Variants in PPFIA4 observed in about 807,000 individuals in gnomAD.
PPFIA4 encodes the protein liprin-alpha-4.
PPFIA4 carries 98 observed loss-of-function variants against 145.7 expected under a neutral mutation model. That is an observed-to-expected ratio of 0.67 (90% CI 0.57 to 0.80). The LOEUF (loss-of-function observed/expected upper bound fraction) is 0.80. Among genes scored for constraint, PPFIA4 ranks in the 30% least tolerant of loss-of-function variants. The probability of loss-of-function intolerance (pLI) is 0.00; values close to 1 mark genes in which losing one functional copy is unlikely to be tolerated. For synonymous variants in PPFIA4, 628 were observed against 649.6 expected, an observed-to-expected ratio of 0.97 and a Z score of 0.51; for missense variants, 1,457 against 1,632.7, an observed-to-expected ratio of 0.89 and a Z score of 1.85.
intron 27 of PPFIA4, among the ~76,000 whole-genome samples, chr1:203,069,238 C>A (rs74789139): frequency 0.016 from 2,446 of 152,232 alleles, 26 homozygotes; most frequent in Non-Finnish European, 0.023. Flanking sequence ...TTCTCTTGAA[C>A]CTATTTATAT....
chr1:203,046,982 A>G (rs566860243), intron 9 of PPFIA4, among the ~76,000 whole-genome samples: 1 of 152,354 alleles, frequency 6.6e-6, no homozygotes, highest in African/African-American at 2.4e-5. Context: ...AAAACATAAT[A>G]GGTTCTGGAA....
At chr1:203,064,600 T>A (rs529395220) in intron 25 of PPFIA4, among the ~76,000 whole-genome samples, 2 of 152,362 alleles carry the variant, frequency 1.3e-5, no homozygotes, top group South Asian at 4.1e-4. Context: ...GCCCACAGAC[T>A]TGTTTTTGTT....
chr1:203,035,601 G>A, intron 1 of PPFIA4: 1 of 456,836 alleles, frequency 2.2e-6, no homozygotes, highest in South Asian at 1.5e-5. Context: ...GCAAATGCTT[G>A]CTTTGGGGAC....
At chr1:203,036,655 G>C (rs555766456) in intron 1 of PPFIA4, among the ~76,000 whole-genome samples, 36 of 152,362 alleles carry the variant, frequency 2.4e-4, no homozygotes, top group Admixed American at 2.3e-3. Context: ...ATTCAGGGTG[G>C]AGGGACCTGG....
chr1:203,075,500 C>A lies in PPFIA4; in HGVS notation c.3394-77C>A. The A allele has an allele frequency of 8.1e-7, 1 of 1,236,594 alleles. No homozygotes were observed. Among genetic ancestry groups the A allele is most frequent in the Non-Finnish European group, 1.0e-6 (1 of 961,436 alleles). The allele number at this position is 1,236,594 out of a possible 1,614,324, so 76.6% of individuals were successfully genotyped here. A position where few individuals can be genotyped will look rare whatever the true frequency, so the allele number is the denominator to read the frequency against. On this transcript the variant is annotated intron_variant, in intron 28 of 29. Coordinates refer to ENST00000295706, the MANE Select transcript of PPFIA4 (RefSeq NM_001304331.2). This position sits in a 1 kb window ranked among gnomAD's most constrained non-coding sequence, Gnocchi z 4.1. ...GTGGTGCCCCTTGAACCAGCAGCGACTGGCCCCCTCCAGGCAGGGCGTGAG... is the reference window on the plus strand; with the variant it reads ...GTGGTGCCCCTTGAACCAGCAGCGAATGGCCCCCTCCAGGCAGGGCGTGAG...
Position 203,075,883 on chromosome 1 carries a change from A to G in PPFIA4, c.3574+126A>G, listed in dbSNP as rs1361977669. On this transcript the variant is annotated intron_variant, in intron 29 of 29. Coordinates refer to ENST00000295706, the MANE Select transcript of PPFIA4 (RefSeq NM_001304331.2). The surrounding 1 kb of genome is among the most constrained non-coding windows in gnomAD (Gnocchi z 4.1). ...CTGGTGCCCCGCGCTCCTGCGCTGC[A>G]GCTGCACTAACGCTCCGCGGGGAGC... 1.4e-5 allele frequency: 14 copies of G among 982,424 alleles called. No individual in the cohort carries two copies. In the East Asian group the frequency reaches 3.9e-4, roughly 27 times the overall value. The allele number at this position is 982,424 out of a possible 1,614,324, so 60.9% of individuals were successfully genotyped here.
At position 203,048,560 on chromosome 1, in the gene PPFIA4, G is replaced by A; in HGVS notation, c.1225-23G>A. Reference sequence around the variant, plus strand: ...TGGTCCTCCCTGGGAGGGCGGCCTGGTGCGAGGCAGACGGCTGTGCAGGTG... The same window carrying A: ...TGGTCCTCCCTGGGAGGGCGGCCTGATGCGAGGCAGACGGCTGTGCAGGTG... On this transcript the variant is annotated intron_variant, in intron 10 of 29. Transcript: ENST00000295706. The surrounding 1 kb of genome is among the most constrained non-coding windows in gnomAD (Gnocchi z 5.8). 1 of 1,564,642 alleles carries A rather than the reference G, an allele frequency of 6.4e-7. No individual in the cohort carries two copies. The highest frequency in any genetic ancestry group is 8.7e-7 in the Non-Finnish European group (1 of 1,155,532).
intron 2 of PPFIA4, among the ~76,000 whole-genome samples, chr1:203,041,726 G>C (rs1659707584): frequency 6.6e-6 from 1 of 152,162 alleles, no homozygotes; most frequent in African/African-American, 2.4e-5. Flanking sequence ...GCCAGGAGAG[G>C]GGGCAGCACC....
At chr1:203,067,861 G>A in intron 26 of PPFIA4, 69 bp downstream of exon 26, 6 of 1,313,544 alleles carry the variant, frequency 4.6e-6, no homozygotes, top group Non-Finnish European at 6.6e-6. Context: ...TGGGCCAAGT[G>A]GAGGGGAGGC....
intron 1 of PPFIA4, chr1:203,035,243 C>T: frequency 2.2e-6 from 1 of 456,078 alleles, no homozygotes; most frequent in Non-Finnish European, 4.4e-6. Context: ...TCCTAGCGGC[C>T]CTGCCCCGGG....
At chr1:203,067,595 C>T in intron 25 of PPFIA4, 100 bp from the exon 26 acceptor site, 1 of 978,238 alleles carries the variant, frequency 1.0e-6, no homozygotes, top group Non-Finnish European at 1.6e-6. Flanking sequence ...GTGCTGGAGG[C>T]AGTAGGTCTG....
At position 203,046,080 on chromosome 1, in the gene PPFIA4, G is replaced by T. The variant is rs548324021; in HGVS notation, c.1005+93G>T. On this transcript the variant is annotated intron_variant, in intron 8 of 29. Transcript: ENST00000295706. ...TGGTGATGGCTGAGGAGCCCCTGGG[G>T]TCCTGCAGGTCACCCTTTGAAAGGG... 1.8e-5 allele frequency: 28 copies of T among 1,571,410 alleles called. No homozygotes were observed. The South Asian group carries it at 3.2e-4, about 18-fold the overall frequency.
chr1:203,065,086 G>C (rs896103540), intron 25 of PPFIA4, among the ~76,000 whole-genome samples: 1 of 152,212 alleles, frequency 6.6e-6, no homozygotes, highest in South Asian at 2.1e-4. Context: ...ATCTGGAAGG[G>C]ATCTTGTTAG....
intron 1 of PPFIA4, among the ~76,000 whole-genome samples, chr1:203,031,094 A>G (rs756882979): frequency 6.6e-6 from 1 of 151,578 alleles, no homozygotes; most frequent in East Asian, 1.9e-4. Context: ...CTCTCTCCCT[A>G]TTGCCCAGGC....
At chr1:203,051,257 GAATTTTAA>G in intron 13 of PPFIA4, 1 of 985,696 alleles carries the variant, frequency 1.0e-6, no homozygotes, top group Non-Finnish European at 1.2e-6. Flanking sequence ...TGCCTGGCTT[GAATTTTAA>G]CCAGGGACTC....
chr1:203,053,240 A>T (rs1471150770), intron 14 of PPFIA4, among the ~76,000 whole-genome samples: 1 of 152,126 alleles, frequency 6.6e-6, no homozygotes, highest in Non-Finnish European at 1.5e-5. Context: ...CAAACAAATC[A>T]CCCAGGGGTC....
Position 203,049,714 on chromosome 1 carries a change from G to A in PPFIA4, c.1458G>A (p.Glu486=), listed in dbSNP as rs776524930. 2.5e-6 allele frequency: 4 copies of A among 1,589,462 alleles called. No individual in the cohort carries two copies. The South Asian group carries it at 4.6e-5, about 18-fold the overall frequency. The change falls in exon 13 of 30, where the codon GAG becomes GAA. Residue 486 remains glutamate (E), a synonymous_variant. Coordinates refer to ENST00000295706, the MANE Select transcript of PPFIA4 (RefSeq NM_001304331.2). ...LSEEIEKLRQ[E]VDQLKGRGGP... Reference sequence around the variant, plus strand: ...AAGAGATTGAGAAGCTGCGCCAAGAGGTGGACCAGCTGAAGGGCCGAGGGG... The same window carrying A: ...AAGAGATTGAGAAGCTGCGCCAAGAAGTGGACCAGCTGAAGGGCCGAGGGG...
At chr1:203,064,101 G>A (rs978872179) in intron 25 of PPFIA4, 98 bp downstream of exon 25, 47 of 1,359,284 alleles carry the variant, frequency 3.5e-5, no homozygotes, top group East Asian at 1.9e-4. Flanking sequence ...ATCTCTTTCC[G>A]TGGTCTGTTC....
chr1:203,060,074 G>A lies in PPFIA4; in HGVS notation c.2584-143G>A. On this transcript the variant is annotated intron_variant, in intron 21 of 29. Coordinates refer to ENST00000295706, the MANE Select transcript of PPFIA4 (RefSeq NM_001304331.2). The surrounding 1 kb of genome is among the most constrained non-coding windows in gnomAD (Gnocchi z 4.8). ...TAATCTGTAAAATGGGAGAGTGAGGGGTTTGATGACCGCCACATTCCTATG... is the reference window on the plus strand; with the variant it reads ...TAATCTGTAAAATGGGAGAGTGAGGAGTTTGATGACCGCCACATTCCTATG... The A allele has an allele frequency of 2.5e-6, 2 of 809,008 alleles. No homozygotes were observed. Among genetic ancestry groups the A allele is most frequent in the Admixed American group, 2.3e-5 (1 of 43,970 alleles). The allele number at this position is 809,008 out of a possible 1,614,324, so 50.1% of individuals were successfully genotyped here.
Sources: gnomAD v4.1 joint callset for allele counts (sites outside exome capture counted in the v4.1 genomes callset) on GRCh38, gnomAD v4.1.1 for gene constraint, Gnocchi (gnomAD v3.1) non-coding constraint, MANE v1.5 for transcripts, NCBI Gene and HGNC (gene_info 2026-07-23, HGNC 2026-07-21) for gene names.